The following AKT3 variants were observed in gnomAD, a reference collection of about 807,000 sequenced individuals.
AKT3 encodes the protein RAC-gamma serine/threonine-protein kinase.
A neutral mutation model predicts 65.3 loss-of-function variants in AKT3; 15 were observed. The observed-to-expected ratio is 0.23, with a 90% CI of 0.15 to 0.35. AKT3 has a LOEUF of 0.35. Ranked by LOEUF, AKT3 falls within the 10% of genes least tolerant of loss-of-function variation. AKT3 has a pLI of 1.00. For missense variants in AKT3, 243 were observed against 576.5 expected (o/e 0.42, Z 5.92); for synonymous variants, 206 against 183.8 (o/e 1.12, Z -0.98).
intron 2 of AKT3, among the ~76,000 whole-genome samples, chr1:243,718,636 T>A (rs1038326791): frequency 1.9e-5 from 2 of 104,780 alleles, no homozygotes; most frequent in African/African-American, 5.0e-5. Flanking sequence ...ATAATTTTCT[T>A]TTTTGTATTT....
Position 243,604,719 on chromosome 1 carries a change from T to C in AKT3, c.696+8952A>G, listed in dbSNP as rs139861414. Reference sequence around the variant, plus strand: ...GTAACCAGTATTATCAGAGCAACCATGTCACTGCAGTGTATACAAGTATTT... The same window carrying C: ...GTAACCAGTATTATCAGAGCAACCACGTCACTGCAGTGTATACAAGTATTT... On this transcript the variant is annotated intron_variant, in intron 8 of 13. Coordinates refer to ENST00000673466, the MANE Select transcript of AKT3 (RefSeq NM_005465.7). Among the ~76,000 whole-genome samples the C allele has an allele frequency of 1.5e-4, 23 of 152,290 alleles. No individual in the cohort carries two copies. In the East Asian group the frequency reaches 4.2e-3, roughly 28 times the overall value.
chr1:243,641,518 T>C (rs1384517721), intron 5 of AKT3, among the ~76,000 whole-genome samples: 3 of 152,108 alleles, frequency 2.0e-5, no homozygotes, highest in Non-Finnish European at 4.4e-5. Context: ...TTAAATATCA[T>C]AGAAAATGAA....
At chr1:243,727,849 A>G (rs1687310606) in intron 2 of AKT3, among the ~76,000 whole-genome samples, 3 of 152,208 alleles carry the variant, frequency 2.0e-5, no homozygotes, top group Admixed American at 2.0e-4. Context: ...ATATAATCTT[A>G]GTTTAAAAAA....
intron 13 of AKT3, among the ~76,000 whole-genome samples, chr1:243,512,089 T>G (rs545164633): frequency 9.1e-4 from 139 of 152,344 alleles, no homozygotes; most frequent in Non-Finnish European, 1.6e-3. Flanking sequence ...ACAATTTCTC[T>G]CTATATAATT....
At chr1:243,547,933 G>A (rs1271170105) in intron 11 of AKT3, 1 of 152,170 alleles carries the variant, frequency 6.6e-6, no homozygotes, top group East Asian at 1.9e-4. Context: ...TTCGATGTTT[G>A]CATTTGGAAT....
chr1:243,680,062 A>G (rs1182636825), intron 3 of AKT3, among the ~76,000 whole-genome samples: 5 of 152,204 alleles, frequency 3.3e-5, no homozygotes, highest in Admixed American at 1.3e-4. Context: ...TTTGGAAGCA[A>G]TAACTGTTGC....
chr1:243,564,501 A>G (rs1674014204), intron 9 of AKT3, among the ~76,000 whole-genome samples: 1 of 152,212 alleles, frequency 6.6e-6, no homozygotes, highest in Non-Finnish European at 1.5e-5. Flanking sequence ...AATTCAAAAC[A>G]CCAAAGAAAA....
At chr1:243,639,771 C>T (rs1680236337) in intron 5 of AKT3, among the ~76,000 whole-genome samples, 1 of 152,192 alleles carries the variant, frequency 6.6e-6, no homozygotes, top group African/African-American at 2.4e-5. Flanking sequence ...AACCAGTAGC[C>T]ATCAGGGCTG....
At chr1:243,663,404 C>T (rs1483989163) in intron 4 of AKT3, among the ~76,000 whole-genome samples, 1 of 141,938 alleles carries the variant, frequency 7.0e-6, no homozygotes, top group Non-Finnish European at 1.5e-5. Flanking sequence ...TATTAATTAT[C>T]AAGGGAGAAA....
chr1:243,639,147 C>T (rs777228915), intron 5 of AKT3, among the ~76,000 whole-genome samples: 49 of 152,106 alleles, frequency 3.2e-4, no homozygotes, highest in Non-Finnish European at 6.2e-4. Context: ...GAACAAATTG[C>T]TTGAAAGTCT....
At position 243,649,748 on chromosome 1, in the gene AKT3, C is replaced by A. The variant is rs562219322; in HGVS notation, c.285-3711G>T. Among the ~76,000 whole-genome samples, 426 of 152,146 alleles carry A rather than the reference C, an allele frequency of 2.8e-3. 2 individuals are homozygous for A. Among genetic ancestry groups the A allele is most frequent in the African/African-American group, 8.6e-3 (356 of 41,504 alleles). On this transcript the variant is annotated intron_variant, in intron 4 of 13. Coordinates refer to ENST00000673466, the MANE Select transcript of AKT3 (RefSeq NM_005465.7). ...TGCCTGCAAAGGACATGAACTCATC[C>A]TTTTTTATGGCTGCATAGTATTCCA... is the stretch of plus-strand genomic sequence containing the variant.
chr1:243,636,722 C>T (rs957888542), intron 6 of AKT3, among the ~76,000 whole-genome samples: 1 of 152,064 alleles, frequency 6.6e-6, no homozygotes, highest in African/African-American at 2.4e-5. Flanking sequence ...GAGACCAGTA[C>T]TTCCCCAAAG....
intron 3 of AKT3, among the ~76,000 whole-genome samples, chr1:243,693,242 T>C (rs1177192894): frequency 1.7e-5 from 1 of 59,986 alleles, no homozygotes; most frequent in Non-Finnish European, 3.3e-5. Flanking sequence ...AGCTACAATT[T>C]GATATATATA....
At chr1:243,696,560 T>C (rs1334446219) in intron 2 of AKT3, among the ~76,000 whole-genome samples, 1 of 152,054 alleles carries the variant, frequency 6.6e-6, no homozygotes, top group Non-Finnish European at 1.5e-5. Flanking sequence ...AGTTCTCTAC[T>C]GGTTATTTCT....
At chr1:243,578,579 G>T (rs1356421360) in intron 8 of AKT3, among the ~76,000 whole-genome samples, 1 of 152,116 alleles carries the variant, frequency 6.6e-6, no homozygotes, top group African/African-American at 2.4e-5. Flanking sequence ...GCTAATGCAT[G>T]CTGAGCTTAA....
At chr1:243,771,699 G>A (rs1393371818) in intron 2 of AKT3, among the ~76,000 whole-genome samples, 1 of 151,872 alleles carries the variant, frequency 6.6e-6, no homozygotes, top group African/African-American at 2.4e-5. Flanking sequence ...ACCACAAAAG[G>A]TTCAAGTAAG....
At position 243,709,804 on chromosome 1, in the gene AKT3, G is replaced by A. The variant is rs570804413; in HGVS notation, c.47-14088C>T. Among the ~76,000 whole-genome samples, 10 of 152,000 alleles carry A rather than the reference G, an allele frequency of 6.6e-5. No homozygotes were observed. In the East Asian group the frequency reaches 1.2e-3, roughly 18 times the overall value. On this transcript the variant is annotated intron_variant, in intron 2 of 13. Transcript: ENST00000673466. Reference sequence around the variant, plus strand: ...GGAAACAACAACTGCTGTTCTATGCGTTCTTCCTTAGAAGTATAAAATTAT... The same window carrying A: ...GGAAACAACAACTGCTGTTCTATGCATTCTTCCTTAGAAGTATAAAATTAT...
intron 6 of AKT3, among the ~76,000 whole-genome samples, chr1:243,620,878 C>G (rs530371797): frequency 1.3e-5 from 2 of 152,182 alleles, no homozygotes; most frequent in East Asian, 3.9e-4. Flanking sequence ...ACTTTGGACT[C>G]CAGTCTTTCT....
At chr1:243,497,227 A>G (rs892395311), downstream of AKT3, among the ~76,000 whole-genome samples, 2 of 151,848 alleles carry the variant, frequency 1.3e-5, no homozygotes, top group African/African-American at 2.4e-5. Context: ...TGTGTTACCA[A>G]AGAGTCAGCA....
Sources: gnomAD v4.1 joint callset for allele counts (sites outside exome capture counted in the v4.1 genomes callset) on GRCh38, gnomAD v4.1.1 for gene constraint, MANE v1.5 for transcripts, NCBI Gene and HGNC (gene_info 2026-07-23, HGNC 2026-07-21) for gene names.